PPARGC1A: variants seen among roughly 807,000 people sequenced by gnomAD.
The protein encoded by PPARGC1A is peroxisome proliferator-activated receptor gamma coactivator 1-alpha.
A neutral mutation model predicts 88.7 loss-of-function variants in PPARGC1A; 25 were observed. The observed-to-expected ratio is 0.28, with a 90% CI of 0.21 to 0.39. The LOEUF is 0.39. Ranked by LOEUF, PPARGC1A falls within the 10% of genes least tolerant of loss-of-function variation. The pLI is 1.00. For missense variants in PPARGC1A, 880 were observed against 968.7 expected (o/e 0.91, Z 1.22); for synonymous variants, 363 against 355.6 (o/e 1.02, Z -0.24).
chr4:24,092,470 C>T, the PPARGC1A span, among the ~76,000 whole-genome samples: 18 of 152,098 alleles, frequency 1.2e-4, no homozygotes, highest in Admixed American at 1.2e-3. Context: ...TCCAGATGCA[C>T]CCAGGATTAG....
At chr4:24,245,962 T>TACACACACAC in the PPARGC1A span, among the ~76,000 whole-genome samples, 3 of 123,886 alleles carry the variant, frequency 2.4e-5, no homozygotes, top group Non-Finnish European at 3.5e-5. Context: ...CACACACACT[T>TACACACACAC]ATGCTTGGTC....
At chr4:24,105,298 C>T in the PPARGC1A span, among the ~76,000 whole-genome samples, 1 of 152,154 alleles carries the variant, frequency 6.6e-6, no homozygotes, top group Non-Finnish European at 1.5e-5. Flanking sequence ...AATACACAAC[C>T]TTGAAAAAGC....
the PPARGC1A span, among the ~76,000 whole-genome samples, chr4:24,157,175 G>C: frequency 6.6e-6 from 1 of 152,230 alleles, no homozygotes; most frequent in East Asian, 1.9e-4. Flanking sequence ...AAAAATAAAA[G>C]ATGGCAGATC....
chr4:23,873,887 C>T (rs754445826), intron 2 of PPARGC1A, among the ~76,000 whole-genome samples: 4 of 152,102 alleles, frequency 2.6e-5, no homozygotes, highest in African/African-American at 4.8e-5. Context: ...AAAATGATAC[C>T]GTTAGATGAC....
chr4:24,302,018 C>T, the PPARGC1A span, among the ~76,000 whole-genome samples: 708 of 152,244 alleles, frequency 4.7e-3, 10 homozygotes, highest in African/African-American at 0.016. Flanking sequence ...GCATGAGGGG[C>T]AGCCACCTCC....
the PPARGC1A span, among the ~76,000 whole-genome samples, chr4:24,167,093 A>G: frequency 1.3e-5 from 2 of 152,230 alleles, no homozygotes; most frequent in African/African-American, 4.8e-5. Flanking sequence ...GATGACATTA[A>G]TAACATTTAC....
chr4:24,004,292 C>A, the PPARGC1A span, among the ~76,000 whole-genome samples: 1 of 152,138 alleles, frequency 6.6e-6, no homozygotes, highest in Admixed American at 6.6e-5. Flanking sequence ...AAAGAAAAGT[C>A]CAAACATCCT....
the PPARGC1A span, among the ~76,000 whole-genome samples, chr4:23,979,671 G>A: frequency 6.6e-6 from 1 of 152,190 alleles, no homozygotes; most frequent in Admixed American, 6.5e-5. Flanking sequence ...CAACCCTGCG[G>A]GGGGGACAAG....
At chr4:23,913,153 T>C in the PPARGC1A span, among the ~76,000 whole-genome samples, 1 of 145,956 alleles carries the variant, frequency 6.9e-6, no homozygotes, top group Non-Finnish European at 1.5e-5. Context: ...ATACACTCTC[T>C]CTCTCTCAAC....
chr4:24,185,913 T>C, the PPARGC1A span, among the ~76,000 whole-genome samples: 8,536 of 150,524 alleles, frequency 0.057, 351 homozygotes, highest in African/African-American at 0.11. Flanking sequence ...TATAATAAAG[T>C]GGTAAAAGCA....
the PPARGC1A span, among the ~76,000 whole-genome samples, chr4:24,067,697 C>G: frequency 1.3e-5 from 2 of 152,168 alleles, no homozygotes; most frequent in Non-Finnish European, 2.9e-5. Context: ...TCCAATTAAA[C>G]TGATCAAGGG....
the PPARGC1A span, among the ~76,000 whole-genome samples, chr4:24,003,163 G>C: frequency 6.6e-6 from 1 of 152,076 alleles, no homozygotes; most frequent in Non-Finnish European, 1.5e-5. Flanking sequence ...AGGTGGATGT[G>C]TTACCTACAC....
At chr4:23,805,758 G>C (rs1432603394) in intron 10 of PPARGC1A, among the ~76,000 whole-genome samples, 2 of 152,012 alleles carry the variant, frequency 1.3e-5, no homozygotes, top group Non-Finnish European at 2.9e-5. Context: ...GAGCCTTTTA[G>C]AAAAGTTACT....
the PPARGC1A span, among the ~76,000 whole-genome samples, chr4:24,259,316 C>A: frequency 1.3e-5 from 2 of 152,156 alleles, no homozygotes; most frequent in African/African-American, 4.8e-5. Context: ...CTCAAATACG[C>A]AAGCACATTC....
chr4:24,237,838 G>A, the PPARGC1A span, among the ~76,000 whole-genome samples: 1 of 152,236 alleles, frequency 6.6e-6, no homozygotes, highest in Admixed American at 6.5e-5. Flanking sequence ...ATGAAGATAG[G>A]GTGACCCAGG....
At chr4:23,815,152 C>G (rs1028843516) in intron 7 of PPARGC1A, among the ~76,000 whole-genome samples, 1 of 149,636 alleles carries the variant, frequency 6.7e-6, no homozygotes, top group Non-Finnish European at 1.5e-5. Flanking sequence ...GATGGGATGA[C>G]AGGAAATATG....
the PPARGC1A span, among the ~76,000 whole-genome samples, chr4:24,466,915 G>A: frequency 2.5e-5 from 3 of 121,530 alleles, no homozygotes; most frequent in Non-Finnish European, 3.5e-5. Context: ...AAGGAAGGAA[G>A]GAAGGGAAGG....
chr4:24,339,219 T>TC, the PPARGC1A span, among the ~76,000 whole-genome samples: 1 of 33,088 alleles, frequency 3.0e-5, no homozygotes, highest in Non-Finnish European at 7.8e-5. Context: ...TGTGTATATA[T>TC]ATATATATAT....
At chr4:24,087,850 A>C in the PPARGC1A span, among the ~76,000 whole-genome samples, 1 of 152,228 alleles carries the variant, frequency 6.6e-6, no homozygotes, top group African/African-American at 2.4e-5. Context: ...GTTCATTTCC[A>C]ACTCCATAAG....
Sources: gnomAD v4.1 joint callset for allele counts (sites outside exome capture counted in the v4.1 genomes callset) on GRCh38, gnomAD v4.1.1 for gene constraint, MANE v1.5 for transcripts, NCBI Gene and HGNC (gene_info 2026-07-23, HGNC 2026-07-21) for gene names.